CHAF1A: variants seen among roughly 807,000 people sequenced by gnomAD.
The protein encoded by CHAF1A is CAF-1 subunit A.
Under a neutral mutation model 93.2 loss-of-function variants are expected in CHAF1A, and 5 were observed. The ratio of observed to expected loss-of-function variants is 0.05; its 90% CI spans 0.03 to 0.11. The LOEUF (loss-of-function observed/expected upper bound fraction) is 0.11. CHAF1A is among the 10% of genes least tolerant of loss of function. The pLI, the probability that CHAF1A is intolerant of heterozygous loss-of-function variation, is 1.00. For synonymous variants in CHAF1A, 504 were observed against 510.3 expected (o/e 0.99, Z 0.17); for missense variants, 1,102 against 1,259.9 (o/e 0.87, Z 1.90).
chr19:4,432,577 A>G (rs1354780314), intron 12 of CHAF1A, among the ~76,000 whole-genome samples: 1 of 151,946 alleles, frequency 6.6e-6, no homozygotes, highest in Admixed American at 6.6e-5. Flanking sequence ...CCTGGGCAAC[A>G]TGGCAAAACC....
Position 4,426,321 on chromosome 19 carries a change from C to T in CHAF1A, c.1378-2343C>T, listed in dbSNP as rs948326414. Among the ~76,000 whole-genome samples, 4 of 151,828 alleles carry T rather than the reference C, an allele frequency of 2.6e-5. No individual in the cohort carries two copies. In the South Asian group the frequency reaches 8.3e-4, roughly 32 times the overall value. ...TAGCTGGGACTACAAGCGCCCGCCA[C>T]CATGCCCCGCTAATTTTTTGTATTT... On this transcript the variant is annotated intron_variant, in intron 7 of 14. Transcript: ENST00000301280.
Position 4,429,691 on chromosome 19 carries a change from T to G in CHAF1A, c.1774-17T>G, listed in dbSNP as rs375875844. 6.2e-7 allele frequency: 1 copy of G among 1,613,692 alleles called. No homozygotes were observed. The highest frequency in any genetic ancestry group is 8.5e-7 in the Non-Finnish European group (1 of 1,179,796). ...GCCCCAAAGACAGTTGTGAGTCCCA[T>G]GTGTTTCTTTTCTCAGAAGCTCCTG... On this transcript the variant is annotated splice_polypyrimidine_tract_variant and intron_variant, in intron 9 of 14. Transcript: ENST00000301280.
At chr19:4,442,837 A>T in intron 14 of CHAF1A, 88 bp from the exon 15 acceptor site, 1 of 964,662 alleles carries the variant, frequency 1.0e-6, no homozygotes, top group Non-Finnish European at 1.5e-6. Context: ...GGGTTGTTGC[A>T]GGCCCCATGA....
intron 3 of CHAF1A, among the ~76,000 whole-genome samples, chr19:4,414,799 C>T (rs1004016461): frequency 6.6e-6 from 1 of 152,166 alleles, no homozygotes; most frequent in Non-Finnish European, 1.5e-5. Flanking sequence ...AGAATGAGGT[C>T]TTGGTAGCTC....
chr19:4,448,770 A>G, downstream of CHAF1A: 1 of 267,086 alleles, frequency 3.7e-6, no homozygotes, highest in Non-Finnish European at 7.3e-6. Flanking sequence ...CGCCACTTAC[A>G]GAACCTCCCG....
Position 4,429,693 on chromosome 19 carries a change from TGTTTC to T in CHAF1A, c.1774-14_1774-10del. ...CCCAAAGACAGTTGTGAGTCCCATG[TGTTTC>T]TTTTCTCAGAAGCTCCTGGACTATG... On this transcript the variant is annotated splice_polypyrimidine_tract_variant and intron_variant, in intron 9 of 14. Transcript: ENST00000301280. The T allele has an allele frequency of 6.2e-7, 1 of 1,614,004 alleles. No homozygotes were observed. The highest frequency in any genetic ancestry group is 8.5e-7 in the Non-Finnish European group (1 of 1,179,936).
At chr19:4,405,838 G>A in intron 1 of CHAF1A, 74 bp from the exon 2 acceptor site, 4 of 1,318,958 alleles carry the variant, frequency 3.0e-6, no homozygotes, top group Non-Finnish European at 4.4e-6. Flanking sequence ...TACATAATTG[G>A]CTCTACATAT....
At chr19:4,415,391 G>GT (rs1225178486) in intron 3 of CHAF1A, among the ~76,000 whole-genome samples, 1 of 152,172 alleles carries the variant, frequency 6.6e-6, no homozygotes. Flanking sequence ...GGGGGGCATT[G>GT]TAAGAGGCAG....
At chr19:4,448,516 G>A (rs1265330594), downstream of CHAF1A, 22 of 927,530 alleles carry the variant, frequency 2.4e-5, no homozygotes, top group South Asian at 1.2e-4. Context: ...GCAGAACAGC[G>A]GCTTGGAGCG....
At chr19:4,435,405 C>T (rs1027299133) in intron 13 of CHAF1A, among the ~76,000 whole-genome samples, 8 of 151,974 alleles carry the variant, frequency 5.3e-5, no homozygotes, top group African/African-American at 9.7e-5. Flanking sequence ...AGGGGTCTTA[C>T]TCTGTTGCCT....
intron 14 of CHAF1A, 90 bp from the exon 15 acceptor site, chr19:4,442,835 G>A: frequency 2.1e-6 from 2 of 959,802 alleles, no homozygotes; most frequent in African/African-American, 1.7e-5. Flanking sequence ...TGGGGTTGTT[G>A]CAGGCCCCAT....
Position 4,428,963 on chromosome 19 carries a change from C to T in CHAF1A, c.1604+73C>T, listed in dbSNP as rs549885781. 2.7e-4 allele frequency: 349 copies of T among 1,293,160 alleles called. No individual in the cohort carries two copies. In the African/African-American group the frequency reaches 3.8e-3, roughly 14 times the overall value. 80.1% of individuals were successfully genotyped at this position (1,293,160 alleles called of 1,614,324 possible). On this transcript the variant is annotated intron_variant, in intron 8 of 14. Coordinates refer to ENST00000301280, the MANE Select transcript of CHAF1A (RefSeq NM_005483.3). ...CCAGCATCCTGAACCCTGGGGTCCC[C>T]GGGGTGGGAGCTCTGGGTCCTTCTG...
intron 13 of CHAF1A, among the ~76,000 whole-genome samples, chr19:4,434,338 C>G (rs558917512): frequency 6.6e-6 from 1 of 152,246 alleles, no homozygotes; most frequent in African/African-American, 2.4e-5. Context: ...AGAGCAAGAC[C>G]CTGTCTCTAA....
rs769411506 is a variant in CHAF1A at position 4,433,561 on chromosome 19, G to A, written c.2673+22G>A. ...CCAGGTGAGGTGGGGTGGGCAGGTG[G>A]GGGCCTCTGCAGGGCTTTTCTTTTT... On this transcript the variant is annotated intron_variant, in intron 13 of 14. Transcript: ENST00000301280. This position sits in a 1 kb window ranked among gnomAD's most constrained non-coding sequence, Gnocchi z 5.6. The A allele has an allele frequency of 6.5e-7, 1 of 1,527,516 alleles. No individual in the cohort carries two copies. The highest frequency in any genetic ancestry group is 8.9e-7 in the Non-Finnish European group (1 of 1,127,330). The allele number at this position is 1,527,516 out of a possible 1,614,324, so 94.6% of individuals were successfully genotyped here.
Position 4,433,544 on chromosome 19 carries a change from G to C in CHAF1A, c.2673+5G>C, listed in dbSNP as rs1265912853. On this transcript the variant is annotated splice_donor_5th_base_variant and intron_variant, in intron 13 of 14. Transcript: ENST00000301280. The surrounding 1 kb of genome is among the most constrained non-coding windows in gnomAD (Gnocchi z 5.6). Reference sequence around the variant, plus strand: ...AAGCGCAGGCACGACGGCCAGGTGAGGTGGGGTGGGCAGGTGGGGGCCTCT... The same window carrying C: ...AAGCGCAGGCACGACGGCCAGGTGACGTGGGGTGGGCAGGTGGGGGCCTCT... The C allele has an allele frequency of 6.4e-6, 10 of 1,565,044 alleles. No individual in the cohort carries two copies. Among genetic ancestry groups the C allele is most frequent in the South Asian group, 1.1e-5 (1 of 87,268 alleles).
intron 11 of CHAF1A, chr19:4,430,884 A>T: frequency 5.8e-6 from 3 of 513,988 alleles, no homozygotes; most frequent in Non-Finnish European, 3.5e-6. Context: ...CACCCTGGTG[A>T]GGGAGCGTGG....
downstream of CHAF1A, chr19:4,447,058 C>T (rs75475637): frequency 0.014 from 10,768 of 791,994 alleles, 115 homozygotes; most frequent in Middle Eastern, 0.024. Context: ...CTGGGGGTGC[C>T]TCAGTGCTGG....
downstream of CHAF1A, chr19:4,445,762 G>A: frequency 7.2e-7 from 1 of 1,389,922 alleles, no homozygotes; most frequent in African/African-American, 1.4e-5. Context: ...TCGCACCCAG[G>A]CCTCCTGCCC....
intron 7 of CHAF1A, among the ~76,000 whole-genome samples, chr19:4,424,459 TG>T (rs1974045158): frequency 6.6e-6 from 1 of 152,152 alleles, no homozygotes; most frequent in Admixed American, 6.6e-5. Context: ...TTCTTTTTAA[TG>T]TATCTGGCCT....
Sources: gnomAD v4.1 joint callset for allele counts (sites outside exome capture counted in the v4.1 genomes callset) on GRCh38, gnomAD v4.1.1 for gene constraint, Gnocchi (gnomAD v3.1) non-coding constraint, MANE v1.5 for transcripts, NCBI Gene and HGNC (gene_info 2026-07-23, HGNC 2026-07-21) for gene names.